Variants in CDH4 observed in about 807,000 individuals in gnomAD.
CDH4 encodes cadherin 4.
In CDH4, 33 loss-of-function variants were observed where a neutral mutation model predicts 86.0. The ratio of observed to expected loss-of-function variants is 0.38; its 90% CI spans 0.29 to 0.51. The LOEUF is 0.51. Among genes scored for constraint, CDH4 ranks in the 20% least tolerant of loss-of-function variants. The pLI, the probability that CDH4 is intolerant of heterozygous loss-of-function variation, is 0.86. For missense variants in CDH4, 1,114 were observed against 1,307.4 expected, an observed-to-expected ratio of 0.85 and a Z score of 2.28; for synonymous variants, 555 against 549.4, an observed-to-expected ratio of 1.01 and a Z score of -0.14.
intron 9 of CDH4, among the ~76,000 whole-genome samples, chr20:61,916,798 T>C (rs1221182652): frequency 6.6e-6 from 1 of 152,270 alleles, no homozygotes; most frequent in African/African-American, 2.4e-5. Flanking sequence ...AGGTACACAC[T>C]GGAAGCCCCA....
At chr20:61,911,152 A>G (rs1158704235) in intron 9 of CDH4, among the ~76,000 whole-genome samples, 1 of 152,102 alleles carries the variant, frequency 6.6e-6, no homozygotes, top group African/African-American at 2.4e-5. Flanking sequence ...GTTTCGTCAC[A>G]CTGTGCTGTG....
intron 2 of CDH4, among the ~76,000 whole-genome samples, chr20:61,483,679 C>CT (rs2145581348): frequency 6.7e-6 from 1 of 148,614 alleles, no homozygotes; most frequent in African/African-American, 2.5e-5. Context: ...CCGCCCCCCC[C>CT]GCCCCGCCCC....
At chr20:61,572,882 G>GAGA (rs1253910525) in intron 2 of CDH4, among the ~76,000 whole-genome samples, 2 of 146,428 alleles carry the variant, frequency 1.4e-5, no homozygotes, top group African/African-American at 5.2e-5. Flanking sequence ...GACAGAGGGA[G>GAGA]AGATGGATGG....
chr20:61,808,780 G>A (rs1404273971), intron 4 of CDH4, among the ~76,000 whole-genome samples: 1 of 140,764 alleles, frequency 7.1e-6, no homozygotes, highest in Non-Finnish European at 1.5e-5. Context: ...GTCCACACCC[G>A]CCCGCCTGCC....
At chr20:61,835,969 C>T (rs1350373953) in intron 4 of CDH4, among the ~76,000 whole-genome samples, 1 of 152,206 alleles carries the variant, frequency 6.6e-6, no homozygotes, top group African/African-American at 2.4e-5. Context: ...CCAGAAGGAC[C>T]CTGACTACCC....
chr20:61,772,856 C>A, intron 3 of CDH4, 147 bp from the exon 4 acceptor site: 1 of 550,538 alleles, frequency 1.8e-6, no homozygotes, highest in Non-Finnish European at 3.0e-6. Flanking sequence ...AGCGTTATCC[C>A]GCCCTTCCCG....
chr20:61,842,617 G>A (rs1054745488), intron 4 of CDH4, among the ~76,000 whole-genome samples: 1 of 152,128 alleles, frequency 6.6e-6, no homozygotes, highest in East Asian at 1.9e-4. Context: ...AGAAGAAAAC[G>A]CTTTAAAACA....
intron 2 of CDH4, among the ~76,000 whole-genome samples, chr20:61,383,414 G>GA (rs2084921805): frequency 2.4e-5 from 1 of 40,896 alleles, no homozygotes; most frequent in Non-Finnish European, 3.6e-5. Flanking sequence ...GAATATATAT[G>GA]ATATATATGA....
Position 61,793,061 on chromosome 20 carries a change from C to G in CDH4, c.576+19879C>G, listed in dbSNP as rs986135465. On this transcript the variant is annotated intron_variant, in intron 4 of 15. Coordinates refer to ENST00000614565, the MANE Select transcript of CDH4 (RefSeq NM_001794.5). ...TACTGCAACCTCTGCCTCCTGGGTT[C>G]CAGTGATTCTCCTGCCTCAGCCTCC... 4.6e-5 allele frequency among the ~76,000 whole-genome samples: 7 copies of G among 152,200 alleles called. 1 individual carries two copies. The South Asian group carries it at 1.5e-3, about 32-fold the overall frequency.
At chr20:61,401,692 A>T (rs80155708) in intron 2 of CDH4, among the ~76,000 whole-genome samples, 3,244 of 152,278 alleles carry the variant, frequency 0.021, 102 homozygotes, top group African/African-American at 0.075. Context: ...TGTGATAGGA[A>T]TGTCACTCTG....
intron 2 of CDH4, among the ~76,000 whole-genome samples, chr20:61,306,947 T>C (rs554977005): frequency 1.3e-5 from 2 of 152,322 alleles, no homozygotes; most frequent in East Asian, 3.9e-4. Flanking sequence ...TCTCATTTCC[T>C]CCTTGGTGTG....
chr20:61,410,372 A>G (rs1193201562), intron 2 of CDH4, among the ~76,000 whole-genome samples: 9 of 151,800 alleles, frequency 5.9e-5, no homozygotes, highest in Admixed American at 2.0e-4. Context: ...TGGCCAATCT[A>G]TCCATCCATT....
At chr20:61,876,110 C>T (rs536907877) in intron 7 of CDH4, among the ~76,000 whole-genome samples, 5 of 152,354 alleles carry the variant, frequency 3.3e-5, no homozygotes, top group Admixed American at 6.5e-5. Flanking sequence ...TGGGATGGCA[C>T]GGCTGCCGGC....
intron 2 of CDH4, among the ~76,000 whole-genome samples, chr20:61,669,367 G>A (rs911068370): frequency 2.6e-5 from 4 of 152,256 alleles, no homozygotes; most frequent in Non-Finnish European, 5.9e-5. Context: ...GGCGGGATGG[G>A]AATGGGAGCC....
chr20:61,504,122 G>T (rs766205262), intron 2 of CDH4, among the ~76,000 whole-genome samples: 18 of 152,326 alleles, frequency 1.2e-4, no homozygotes, highest in Middle Eastern at 3.4e-3. Context: ...TTTCTTGGAG[G>T]GCCTTCAGGA....
chr20:61,696,494 A>G (rs2087716406), intron 2 of CDH4, among the ~76,000 whole-genome samples: 1 of 152,202 alleles, frequency 6.6e-6, no homozygotes, highest in Non-Finnish European at 1.5e-5. Flanking sequence ...CCAGCTGTGT[A>G]CTGAGCGCCA....
intron 2 of CDH4, among the ~76,000 whole-genome samples, chr20:61,743,268 C>T (rs1483204678): frequency 2.6e-5 from 4 of 152,332 alleles, no homozygotes; most frequent in Middle Eastern, 3.4e-3. Context: ...CGGCTGAATT[C>T]GGAGATAACA....
In CDH4 at chr20:61,517,088, G is replaced by A. The variant is rs2085827355; in HGVS notation, c.170-226475G>A. On this transcript the variant is annotated intron_variant, in intron 2 of 15. Coordinates refer to ENST00000614565, the MANE Select transcript of CDH4 (RefSeq NM_001794.5). The surrounding 1 kb of genome is among the most constrained non-coding windows in gnomAD (Gnocchi z 6.6). ...CACACTCCATCTGCCCTTCCAGAAA[G>A]CTCCCTCAGGCCCCTTGTGGCCACG... Among the ~76,000 whole-genome samples, 1 of 152,188 alleles carries A rather than the reference G, an allele frequency of 6.6e-6. No individual in the cohort carries two copies. Among genetic ancestry groups the A allele is most frequent in the Non-Finnish European group, 1.5e-5 (1 of 68,044 alleles).
In CDH4 at chr20:61,445,281, G is replaced by A. The variant is rs190237126; in HGVS notation, c.169+190344G>A. Among the ~76,000 whole-genome samples the A allele has an allele frequency of 3.7e-3, 561 of 152,234 alleles. 15 individuals are homozygous for A. Among genetic ancestry groups the A allele is most frequent in the Admixed American group, 0.034 (523 of 15,292 alleles). ...AACCAAGAGGCCTGTGGAGAGCCAG[G>A]CAGGGCCCCGGCCATCCCCAGGCAG... On this transcript the variant is annotated intron_variant, in intron 2 of 15. Coordinates refer to ENST00000614565, the MANE Select transcript of CDH4 (RefSeq NM_001794.5).
Sources: allele counts gnomAD v4.1 joint callset (sites outside exome capture counted in the v4.1 genomes callset), GRCh38; gene constraint gnomAD v4.1.1; non-coding constraint Gnocchi (gnomAD v3.1); transcripts MANE v1.5; gene names NCBI Gene and HGNC (gene_info 2026-07-23, HGNC 2026-07-21).